Variants in SRD5A1 observed in about 807,000 individuals in gnomAD.
The protein encoded by SRD5A1 is steroid 5 alpha-reductase 1.
SRD5A1 carries 22 observed loss-of-function variants against 28.2 expected under a neutral mutation model. The ratio of observed to expected loss-of-function variants is 0.78; its 90% confidence interval spans 0.56 to 1.12. SRD5A1 has a LOEUF of 1.12. SRD5A1 is among the 50% of genes most tolerant of loss of function. SRD5A1 has a pLI of 0.00. For synonymous variants in SRD5A1, 151 were observed against 135.0 expected (o/e 1.12, Z -0.82); for missense variants, 300 against 346.7 (o/e 0.87, Z 1.07).
At position 6,671,490 on chromosome 5, in the gene SRD5A1, T is replaced by C. The variant is rs899606700; in HGVS notation, c.*3222T>C. ...ACTCTGCTGACTGTTGCTTTTACCATGCAAAAGCTCTTTAGTTTAATTAAG... is the reference window on the plus strand; with the variant it reads ...ACTCTGCTGACTGTTGCTTTTACCACGCAAAAGCTCTTTAGTTTAATTAAG... On this transcript the variant is annotated 3_prime_UTR_variant, in exon 5 of 5. Coordinates refer to ENST00000274192, the MANE Select transcript of SRD5A1 (RefSeq NM_001047.4). 3.3e-5 allele frequency: 5 copies of C among 152,220 alleles called. No homozygotes were observed. Among genetic ancestry groups the C allele is most frequent in the Non-Finnish European group, 7.3e-5 (5 of 68,044 alleles). The allele number at this position is 152,220 out of a possible 1,614,324, so 9.4% of individuals were successfully genotyped here. A position where few individuals can be genotyped will look rare whatever the true frequency, so the allele number is the denominator to read the frequency against.
intron 1 of SRD5A1, among the ~76,000 whole-genome samples, chr5:6,650,758 C>A: frequency 6.6e-6 from 1 of 151,052 alleles, no homozygotes; most frequent in South Asian, 2.1e-4. Context: ...CGTCATCTAG[C>A]ATTAGGTATA....
chr5:6,660,927 A>G (rs1178052858), intron 3 of SRD5A1, among the ~76,000 whole-genome samples: 1 of 152,142 alleles, frequency 6.6e-6, no homozygotes, highest in African/African-American at 2.4e-5. Context: ...GAGCGAGTGA[A>G]GGGGGATCTG....
chr5:6,634,253 A>G (rs1738102332), intron 1 of SRD5A1, among the ~76,000 whole-genome samples: 1 of 152,218 alleles, frequency 6.6e-6, no homozygotes, highest in African/African-American at 2.4e-5. Flanking sequence ...CTTGAACCCG[A>G]GAGGCGGAGG....
chr5:6,666,365 G>C (rs560285880), intron 4 of SRD5A1, among the ~76,000 whole-genome samples: 1 of 152,082 alleles, frequency 6.6e-6, no homozygotes, highest in Non-Finnish European at 1.5e-5. Flanking sequence ...AGCCAGGATG[G>C]TCTTGATCTC....
At position 6,656,180 on chromosome 5, in the gene SRD5A1, G is replaced by A. The variant is rs766424485; in HGVS notation, c.562+1G>A. On this transcript the variant is annotated splice_donor_variant, in intron 3 of 4. Transcript: ENST00000274192. LOFTEE classifies it high-confidence loss of function. ...GATACTGGATACAAAATACCAAGGG[G>A]TACGTACAGAAAGTGAAGAATTTCT... 7.5e-6 allele frequency: 12 copies of A among 1,610,412 alleles called. 1 individual carries two copies. The East Asian group carries it at 2.2e-4, about 30-fold the overall frequency.
At chr5:6,660,870 C>T (rs1738979516) in intron 3 of SRD5A1, among the ~76,000 whole-genome samples, 1 of 152,164 alleles carries the variant, frequency 6.6e-6, no homozygotes. Context: ...ACAATCATGG[C>T]AGAAGGCAAA....
rs959751567 is a variant in SRD5A1 at position 6,669,913 on chromosome 5, C to T, written c.*1645C>T. On this transcript the variant is annotated 3_prime_UTR_variant, in exon 5 of 5. Transcript: ENST00000274192. Reference sequence around the variant, plus strand: ...GGACCACAGCACGGGTGGAGATGGGCCTGATGTGGCAGAGCAGAGAGGCCA... The same window carrying T: ...GGACCACAGCACGGGTGGAGATGGGTCTGATGTGGCAGAGCAGAGAGGCCA... 8 of 152,640 alleles carry T rather than the reference C, an allele frequency of 5.2e-5. No individual in the cohort carries two copies. The highest frequency in any genetic ancestry group is 1.7e-4 in the African/African-American group (7 of 41,434). The allele number at this position is 152,640 out of a possible 1,614,324, so 9.5% of individuals were successfully genotyped here.
intron 4 of SRD5A1, among the ~76,000 whole-genome samples, chr5:6,666,486 AATCTTTCTAT>A (rs1328936540): frequency 6.6e-6 from 1 of 152,118 alleles, no homozygotes; most frequent in Non-Finnish European, 1.5e-5. Context: ...TATTCAATGA[AATCTTTCTAT>A]AATAATCAGT....
chr5:6,641,334 G>A (rs929376497), intron 1 of SRD5A1, among the ~76,000 whole-genome samples: 6 of 152,112 alleles, frequency 3.9e-5, no homozygotes, highest in African/African-American at 9.7e-5. Context: ...AATCTTCACC[G>A]ACAACAATGG....
intron 1 of SRD5A1, among the ~76,000 whole-genome samples, chr5:6,639,235 C>G (rs1212349027): frequency 6.6e-6 from 1 of 152,232 alleles, no homozygotes; most frequent in Non-Finnish European, 1.5e-5. Flanking sequence ...ACCCAAACAT[C>G]TTACTTTAAA....
intron 1 of SRD5A1, among the ~76,000 whole-genome samples, chr5:6,640,137 G>A (rs1738317784): frequency 6.6e-6 from 1 of 152,138 alleles, no homozygotes; most frequent in Admixed American, 6.5e-5. Flanking sequence ...CCTGGGAAAA[G>A]GGACATTGCC....
intron 2 of SRD5A1, 76 bp from the exon 3 acceptor site, chr5:6,656,002 G>A (rs1378200927): frequency 1.9e-6 from 2 of 1,055,784 alleles, no homozygotes; most frequent in Admixed American, 1.8e-5. Context: ...CAATAATACT[G>A]TTCAGTCAGG....
rs1244410984 is a variant in SRD5A1, at chr5:6,671,429, G to T, written c.*3161G>T. 8 of 152,084 alleles carry T rather than the reference G, an allele frequency of 5.3e-5. No homozygotes were observed. The highest frequency in any genetic ancestry group is 8.8e-5 in the Non-Finnish European group (6 of 68,006). The allele number at this position is 152,084 out of a possible 1,614,324, so 9.4% of individuals were successfully genotyped here. A position where few individuals can be genotyped will look rare whatever the true frequency, so the allele number is the denominator to read the frequency against. ...TAGTCCTTTGTCTGATGTATAGATT[G>T]TGAAGATTTTCTCCCACTCTGTGCG... On this transcript the variant is annotated 3_prime_UTR_variant, in exon 5 of 5. Transcript: ENST00000274192.
intron 1 of SRD5A1, among the ~76,000 whole-genome samples, chr5:6,634,146 A>G (rs896845891): frequency 1.3e-5 from 2 of 152,194 alleles, no homozygotes; most frequent in African/African-American, 4.8e-5. Context: ...TGATCTGGAA[A>G]GAGCCACTCA....
Position 6,668,240 on chromosome 5 carries a change from G to A in SRD5A1, c.752G>A (p.Arg251Lys). The change falls in exon 5 of 5, where the codon AGA (arginine) becomes AAA (lysine). Residue 251 changes from arginine to lysine, a missense_variant. By Grantham distance (26) the Arg-to-Lys change is conservative. Around this residue, in one of 2 missense-constraint regions of SRD5A1, gnomAD observed 126 missense variants for 185.7 expected, o/e 0.68. Coordinates refer to ENST00000274192, the MANE Select transcript of SRD5A1 (RefSeq NM_001047.4). Reference sequence around the variant, plus strand: ...AAATTTGAAGAGTATCCAAAGTTCAGAAAAATTATAATTCCATTTTTGTTT... The same window carrying A: ...AAATTTGAAGAGTATCCAAAGTTCAAAAAAATTATAATTCCATTTTTGTTT... Reference protein sequence around the residue: ...LRKFEEYPKFRKIIIPFLF With the variant: ...LRKFEEYPKFKKIIIPFLF 1 of 1,588,050 alleles carries A rather than the reference G, an allele frequency of 6.3e-7. No homozygotes were observed. Among genetic ancestry groups the A allele is most frequent in the Non-Finnish European group, 8.6e-7 (1 of 1,168,718 alleles).
chr5:6,640,717 A>AG (rs1738334219), intron 1 of SRD5A1, among the ~76,000 whole-genome samples: 1 of 152,176 alleles, frequency 6.6e-6, no homozygotes, highest in African/African-American at 2.4e-5. Context: ...AACATGACAG[A>AG]GAACAAAGTG....
chr5:6,659,412 C>CA (rs1327451657), intron 3 of SRD5A1, among the ~76,000 whole-genome samples: 1 of 151,994 alleles, frequency 6.6e-6, no homozygotes, highest in African/African-American at 2.4e-5. Context: ...CGTGCCCGGC[C>CA]AAAAAAGATC....
intron 4 of SRD5A1, among the ~76,000 whole-genome samples, chr5:6,663,194 GA>G (rs2126551440): frequency 6.6e-6 from 1 of 152,330 alleles, no homozygotes; most frequent in East Asian, 1.9e-4. Context: ...TAGCCTCTCT[GA>G]ATTGACAGTG....
intron 3 of SRD5A1, among the ~76,000 whole-genome samples, chr5:6,658,370 T>C (rs536698617): frequency 2.4e-4 from 36 of 152,258 alleles, no homozygotes; most frequent in Non-Finnish European, 3.5e-4. Context: ...TTGCAGAGTC[T>C]ATACCCATCA....
Sources: allele counts gnomAD v4.1 joint callset (sites outside exome capture counted in the v4.1 genomes callset), GRCh38; gene constraint gnomAD v4.1.1; regional missense constraint gnomAD v4.1.1; transcripts MANE v1.5; gene names NCBI Gene and HGNC (gene_info 2026-07-23, HGNC 2026-07-21).